Variants in HPSE2 observed in about 807,000 individuals in gnomAD.
The protein encoded by HPSE2 is inactive heparanase-2.
In HPSE2, 38 loss-of-function variants were observed where a neutral mutation model predicts 60.5. The ratio of observed to expected loss-of-function variants is 0.63; its 90% confidence interval spans 0.48 to 0.82. The LOEUF (loss-of-function observed/expected upper bound fraction) is 0.82, where lower values mean the gene tolerates loss of function less well. Ranked by LOEUF, HPSE2 falls within the 40% of genes least tolerant of loss-of-function variation. The pLI is 0.00. For synonymous variants in HPSE2, 295 were observed against 293.2 expected (o/e 1.01, Z -0.06); for missense variants, 713 against 740.4 (o/e 0.96, Z 0.43).
At chr10:99,181,347 G>A (rs1230056357) in intron 2 of HPSE2, among the ~76,000 whole-genome samples, 4 of 139,036 alleles carry the variant, frequency 2.9e-5, no homozygotes, top group Non-Finnish European at 3.0e-5. Context: ...GCAGTGAGCC[G>A]AGATCCCGCC....
intron 9 of HPSE2, among the ~76,000 whole-genome samples, chr10:98,524,103 C>T (rs1457681486): frequency 6.6e-6 from 1 of 152,200 alleles, no homozygotes; most frequent in Admixed American, 6.5e-5. Context: ...TTGCACAAGG[C>T]CCCATGCTCC....
At chr10:99,205,586 A>G (rs1848719123) in intron 2 of HPSE2, among the ~76,000 whole-genome samples, 1 of 152,328 alleles carries the variant, frequency 6.6e-6, no homozygotes, top group East Asian at 1.9e-4. Context: ...TGTCTCAAAA[A>G]AAAAGCTCAT....
At chr10:99,284,328 A>C in the HPSE2 span, among the ~76,000 whole-genome samples, 1 of 152,102 alleles carries the variant, frequency 6.6e-6, no homozygotes, top group Non-Finnish European at 1.5e-5. Context: ...ACAAAGTCCA[A>C]TACCTTCTCA....
At chr10:99,252,812 G>C in the HPSE2 span, among the ~76,000 whole-genome samples, 7 of 150,762 alleles carry the variant, frequency 4.6e-5, no homozygotes, top group Non-Finnish European at 1.0e-4. Context: ...GGGAGGCAGA[G>C]CTTGCAGTGA....
At chr10:98,890,639 C>T (rs758709244) in intron 3 of HPSE2, among the ~76,000 whole-genome samples, 10 of 151,778 alleles carry the variant, frequency 6.6e-5, no homozygotes, top group Non-Finnish European at 1.0e-4. Context: ...TAAATAAAAA[C>T]GAACGAACAA....
At chr10:98,946,906 C>A (rs1955202100) in intron 3 of HPSE2, among the ~76,000 whole-genome samples, 1 of 151,984 alleles carries the variant, frequency 6.6e-6, no homozygotes, top group Non-Finnish European at 1.5e-5. Flanking sequence ...ATTTGTCTCT[C>A]CAGTAAATTG....
At chr10:98,727,703 T>C (rs1448663039) in intron 4 of HPSE2, among the ~76,000 whole-genome samples, 1 of 149,752 alleles carries the variant, frequency 6.7e-6, no homozygotes, top group Non-Finnish European at 1.5e-5. Context: ...CTAAAAATAA[T>C]AAAGAGCTAA....
At chr10:98,691,603 A>G (rs2134164437) in intron 6 of HPSE2, among the ~76,000 whole-genome samples, 1 of 152,352 alleles carries the variant, frequency 6.6e-6, no homozygotes, top group East Asian at 1.9e-4. Context: ...TTAAAGGTTC[A>G]GCCTTTATAC....
chr10:99,101,847 A>T (rs572187067), intron 3 of HPSE2, among the ~76,000 whole-genome samples: 4 of 152,254 alleles, frequency 2.6e-5, no homozygotes, highest in Admixed American at 6.5e-5. Context: ...AAACTGCTCA[A>T]CTACATGGAA....
chr10:98,943,160 A>C (rs1955068932), intron 3 of HPSE2, among the ~76,000 whole-genome samples: 1 of 151,780 alleles, frequency 6.6e-6, no homozygotes, highest in Non-Finnish European at 1.5e-5. Flanking sequence ...GCAGCACACC[A>C]GCATGGCACA....
intron 7 of HPSE2, among the ~76,000 whole-genome samples, chr10:98,636,613 C>A (rs747573277): frequency 6.6e-6 from 1 of 151,784 alleles, no homozygotes; most frequent in Admixed American, 6.6e-5. Context: ...TAAGTATGTA[C>A]AATTATTATA....
At chr10:98,580,836 A>ATATATATGTGTGTGTGTGTGTGTG in intron 9 of HPSE2, among the ~76,000 whole-genome samples, 5 of 119,530 alleles carry the variant, frequency 4.2e-5, no homozygotes, top group African/African-American at 1.8e-4. Context: ...ATATATATAT[A>ATATATATGTGTGTGTGTGTGTGTG]TGTGTGTGTG....
In HPSE2 at chr10:98,554,465, A is replaced by T. The variant is rs140453531; in HGVS notation, c.1320+60439T>A. The stretch of plus-strand genomic sequence containing the variant: ...TCTTGCATTGCTGTGTCTGTACTTC[A>T]TTGTGTCTTGAATGATTATTTGTAC... On this transcript the variant is annotated intron_variant, in intron 9 of 11. Coordinates refer to ENST00000370552, the MANE Select transcript of HPSE2 (RefSeq NM_021828.5). Among the ~76,000 whole-genome samples the T allele has an allele frequency of 1.9e-3, 286 of 152,176 alleles. 1 individual carries two copies. Among genetic ancestry groups the T allele is most frequent in the African/African-American group, 6.4e-3 (266 of 41,540 alleles).
intron 2 of HPSE2, among the ~76,000 whole-genome samples, chr10:99,158,181 G>A (rs1439763677): frequency 3.8e-5 from 2 of 52,418 alleles, no homozygotes; most frequent in Admixed American, 2.3e-4. Flanking sequence ...CAACCATTGT[G>A]GAAGTCAGTG....
At chr10:99,034,427 C>T (rs1264854213) in intron 3 of HPSE2, among the ~76,000 whole-genome samples, 4 of 152,086 alleles carry the variant, frequency 2.6e-5, no homozygotes, top group Admixed American at 2.6e-4. Context: ...GGGGTGGATA[C>T]ATGACTGTCT....
intron 4 of HPSE2, among the ~76,000 whole-genome samples, chr10:98,740,092 G>T (rs948731331): frequency 3.6e-4 from 55 of 152,006 alleles, no homozygotes; most frequent in African/African-American, 1.3e-3. Context: ...AGGGAAATAT[G>T]TTATATCCAA....
At chr10:98,954,848 A>G (rs1210653373) in intron 3 of HPSE2, among the ~76,000 whole-genome samples, 1 of 151,952 alleles carries the variant, frequency 6.6e-6, no homozygotes, top group Non-Finnish European at 1.5e-5. Flanking sequence ...AACTACCAAT[A>G]ACCCAATTTG....
intron 3 of HPSE2, among the ~76,000 whole-genome samples, chr10:99,017,992 G>A (rs1013672497): frequency 9.2e-5 from 14 of 152,082 alleles, no homozygotes; most frequent in African/African-American, 3.1e-4. Flanking sequence ...ATAATAAAGA[G>A]GAAAAGTAAA....
At chr10:99,016,676 T>A (rs1957149983) in intron 3 of HPSE2, among the ~76,000 whole-genome samples, 1 of 152,202 alleles carries the variant, frequency 6.6e-6, no homozygotes, top group Admixed American at 6.5e-5. Flanking sequence ...GGAATCTTTT[T>A]CCATTTGTTT....
Sources: gnomAD v4.1 joint callset for allele counts (sites outside exome capture counted in the v4.1 genomes callset) on GRCh38, gnomAD v4.1.1 for gene constraint, MANE v1.5 for transcripts, NCBI Gene and HGNC (gene_info 2026-07-23, HGNC 2026-07-21) for gene names.